MGAT4C: variants seen among roughly 807,000 people sequenced by gnomAD.
MGAT4C encodes the protein MGAT4 family member C.
Under a neutral mutation model 40.1 loss-of-function variants are expected in MGAT4C, and 19 were observed. The observed-to-expected ratio is 0.47, with a 90% CI of 0.33 to 0.70. MGAT4C has a LOEUF of 0.70. MGAT4C is among the 30% of genes least tolerant of loss of function. The pLI, the probability that MGAT4C is intolerant of heterozygous loss-of-function variation, is 0.02. For synonymous variants in MGAT4C, 181 were observed against 187.1 expected (o/e 0.97, Z 0.27); for missense variants, 491 against 563.2 (o/e 0.87, Z 1.30).
In MGAT4C at chr12:85,958,784, C is replaced by CA. The variant is rs1012633646; in HGVS notation, c.*20504dup. On this transcript the variant is annotated 3_prime_UTR_variant, in exon 5 of 5. Coordinates refer to ENST00000611864, the MANE Select transcript of MGAT4C (RefSeq NM_001351288.2). ...AACTGTTACTAAATTAAAGCTCCTTCAAAAACATAAATGTATTCTTTAGAG... is the reference window on the plus strand; with the variant it reads ...AACTGTTACTAAATTAAAGCTCCTTCAAAAAACATAAATGTATTCTTTAGAG... The CA allele has an allele frequency of 6.6e-6, 1 of 151,774 alleles. No individual in the cohort carries two copies. The highest frequency in any genetic ancestry group is 1.5e-5 in the Non-Finnish European group (1 of 67,910). 9.4% of individuals were successfully genotyped at this position (151,774 alleles called of 1,614,324 possible). A position where few individuals can be genotyped will look rare whatever the true frequency, so the allele number is the denominator to read the frequency against.
chr12:86,528,509 AT>A (rs1437999294), intron 2 of MGAT4C, among the ~76,000 whole-genome samples: 1 of 152,024 alleles, frequency 6.6e-6, no homozygotes, highest in African/African-American at 2.4e-5. Context: ...TATAAATGTA[AT>A]TTTTCTTTAG....
intron 1 of MGAT4C, among the ~76,000 whole-genome samples, chr12:86,751,325 T>A (rs1012002597): frequency 6.6e-6 from 1 of 152,018 alleles, no homozygotes; most frequent in Non-Finnish European, 1.5e-5. Flanking sequence ...ACATTTTTTC[T>A]TGATTTCTTA....
intron 1 of MGAT4C, among the ~76,000 whole-genome samples, chr12:86,768,265 C>T (rs1167493740): frequency 6.6e-6 from 1 of 152,106 alleles, no homozygotes; most frequent in Non-Finnish European, 1.5e-5. Context: ...TTCCCATTCA[C>T]AATTGCTTCA....
intron 1 of MGAT4C, among the ~76,000 whole-genome samples, chr12:86,772,603 A>G (rs1052245004): frequency 2.8e-5 from 4 of 143,442 alleles, no homozygotes; most frequent in Non-Finnish European, 3.0e-5. Context: ...TGCCACCCTG[A>G]GGGGGCCCAA....
chr12:86,140,498 G>A (rs1882677026), intron 1 of MGAT4C, among the ~76,000 whole-genome samples: 1 of 151,942 alleles, frequency 6.6e-6, no homozygotes, highest in African/African-American at 2.4e-5. Flanking sequence ...TCACACACCG[G>A]GGCCTGTCGG....
intron 1 of MGAT4C, among the ~76,000 whole-genome samples, chr12:86,093,678 T>C (rs1161911893): frequency 6.6e-6 from 1 of 151,934 alleles, no homozygotes; most frequent in Non-Finnish European, 1.5e-5. Context: ...CAGTGAGCTA[T>C]GATCGCACCA....
At chr12:86,749,418 C>T (rs968044370) in intron 1 of MGAT4C, among the ~76,000 whole-genome samples, 1 of 151,576 alleles carries the variant, frequency 6.6e-6, no homozygotes, top group African/African-American at 2.4e-5. Context: ...TACCTTCATT[C>T]AATTGTTTTA....
chr12:86,099,930 C>T (rs1874660160), intron 1 of MGAT4C, among the ~76,000 whole-genome samples: 1 of 151,340 alleles, frequency 6.6e-6, no homozygotes, highest in Non-Finnish European at 1.5e-5. Flanking sequence ...TTCTATTAAA[C>T]ATGAATTATC....
chr12:86,749,464 T>C (rs1002357709), intron 1 of MGAT4C, among the ~76,000 whole-genome samples: 4 of 151,748 alleles, frequency 2.6e-5, no homozygotes, highest in African/African-American at 7.2e-5. Context: ...TACTTTGATA[T>C]GATTTTTCCT....
intron 2 of MGAT4C, among the ~76,000 whole-genome samples, chr12:86,587,287 A>G (rs1229854222): frequency 9.9e-5 from 15 of 151,562 alleles, no homozygotes; most frequent in South Asian, 2.1e-4. Context: ...ATTTCTGAGG[A>G]CTCTGTTCTG....
chr12:86,260,209 C>G (rs1184960951), upstream of MGAT4C, among the ~76,000 whole-genome samples: 1 of 152,098 alleles, frequency 6.6e-6, no homozygotes, highest in Non-Finnish European at 1.5e-5. Context: ...AACACAGAGA[C>G]AAAAGAGAAA....
At chr12:86,434,139 G>A (rs1957095254) in intron 3 of MGAT4C, among the ~76,000 whole-genome samples, 1 of 151,892 alleles carries the variant, frequency 6.6e-6, no homozygotes, top group South Asian at 2.1e-4. Context: ...ATTAAATCAT[G>A]GATGTAACTG....
At chr12:86,820,014 T>C (rs1222515079) in intron 1 of MGAT4C, among the ~76,000 whole-genome samples, 1 of 150,842 alleles carries the variant, frequency 6.6e-6, no homozygotes, top group Non-Finnish European at 1.5e-5. Context: ...TAATTTGCTA[T>C]AGATAATTCT....
At chr12:86,541,685 A>T (rs1025006486) in intron 2 of MGAT4C, among the ~76,000 whole-genome samples, 6 of 152,222 alleles carry the variant, frequency 3.9e-5, no homozygotes, top group Non-Finnish European at 8.8e-5. Context: ...AATGTTACTT[A>T]GTCTAAAGCT....
intron 1 of MGAT4C, among the ~76,000 whole-genome samples, chr12:86,769,117 T>C (rs1381609225): frequency 2.0e-5 from 3 of 152,016 alleles, no homozygotes; most frequent in Admixed American, 6.6e-5. Flanking sequence ...GCAACCTACC[T>C]ATCTGACAAA....
intron 2 of MGAT4C, among the ~76,000 whole-genome samples, chr12:86,583,505 A>G (rs560652767): frequency 4.0e-5 from 6 of 151,322 alleles, no homozygotes; most frequent in Middle Eastern, 3.2e-3. Context: ...ACTGAACTCT[A>G]TTTATCAGGG....
At chr12:86,822,081 T>C (rs1952716192) in intron 1 of MGAT4C, among the ~76,000 whole-genome samples, 1 of 151,054 alleles carries the variant, frequency 6.6e-6, no homozygotes, top group South Asian at 2.1e-4. Flanking sequence ...AGTGTAGAGT[T>C]TTATAAGTGA....
chr12:86,642,369 A>G (rs1963416768), intron 2 of MGAT4C, among the ~76,000 whole-genome samples: 1 of 151,850 alleles, frequency 6.6e-6, no homozygotes, highest in Admixed American at 6.6e-5. Flanking sequence ...AAGAAACTCT[A>G]CAGGAGAGGG....
chr12:86,539,236 C>T (rs556831531), intron 2 of MGAT4C, among the ~76,000 whole-genome samples: 118 of 151,110 alleles, frequency 7.8e-4, no homozygotes, highest in African/African-American at 2.7e-3. Flanking sequence ...CAAGTGTTCT[C>T]ATTGTTCAAT....
Sources: allele counts gnomAD v4.1 joint callset (sites outside exome capture counted in the v4.1 genomes callset), GRCh38; gene constraint gnomAD v4.1.1; transcripts MANE v1.5; gene names NCBI Gene and HGNC (gene_info 2026-07-23, HGNC 2026-07-21).